FOXN3: variants seen among roughly 807,000 people sequenced by gnomAD.
FOXN3 encodes forkhead box protein N3.
In FOXN3, 7 loss-of-function variants were observed where a neutral mutation model predicts 38.4. The observed-to-expected ratio is 0.18, with a 90% CI of 0.10 to 0.34. The LOEUF is 0.34. FOXN3 is among the 10% of genes least tolerant of loss of function. FOXN3 has a pLI of 1.00. For synonymous variants in FOXN3, 230 were observed against 242.2 expected (o/e 0.95, Z 0.47); for missense variants, 456 against 613.4 (o/e 0.74, Z 2.71).
chr14:89,562,210 T>C (rs1895264192), intron 1 of FOXN3, among the ~76,000 whole-genome samples: 1 of 152,158 alleles, frequency 6.6e-6, no homozygotes, highest in African/African-American at 2.4e-5. Flanking sequence ...TACTTCCAAG[T>C]TGTCGTCTGC....
At chr14:89,215,535 T>A (rs1884248901) in intron 4 of FOXN3, among the ~76,000 whole-genome samples, 1 of 152,206 alleles carries the variant, frequency 6.6e-6, no homozygotes. Flanking sequence ...TGAGGCAAAA[T>A]GCATCCGACC....
Position 89,336,216 on chromosome 14 carries a change from C to CTCCAACCA in FOXN3, c.680+14455_680+14456insTGGTTGGA, listed in dbSNP as rs150227035. The stretch of plus-strand genomic sequence containing the variant: ...CCCTTCCCCATTCTCCTAACGGTGC[C>CTCCAACCA]TCCATCCATCCATCCATCCATCCAT... On this transcript the variant is annotated intron_variant, in intron 3 of 5. Transcript: ENST00000557258. Among the ~76,000 whole-genome samples, 4 of 143,158 alleles carry CTCCAACCA rather than the reference C, an allele frequency of 2.8e-5. No individual in the cohort carries two copies. In the South Asian group the frequency reaches 9.5e-4, roughly 34 times the overall value. 93.9% of individuals were successfully genotyped at this position (143,158 alleles called of 152,430 possible).
At chr14:89,283,986 G>C (rs905813137) in intron 3 of FOXN3, among the ~76,000 whole-genome samples, 4 of 152,024 alleles carry the variant, frequency 2.6e-5, no homozygotes, top group African/African-American at 9.7e-5. Flanking sequence ...TCAGCCTCCT[G>C]GGTAGCTGGG....
intron 3 of FOXN3, among the ~76,000 whole-genome samples, chr14:89,316,144 T>C (rs891848940): frequency 1.3e-5 from 2 of 152,136 alleles, no homozygotes; most frequent in Admixed American, 6.5e-5. Flanking sequence ...CTGTTGCGTA[T>C]TGTGTATTGG....
chr14:89,527,237 C>G (rs1894451902), intron 1 of FOXN3, among the ~76,000 whole-genome samples: 1 of 151,974 alleles, frequency 6.6e-6, no homozygotes, highest in African/African-American at 2.4e-5. Context: ...AAAATGAATT[C>G]AAAATGGACA....
intron 1 of FOXN3, among the ~76,000 whole-genome samples, chr14:89,555,872 T>TGTGTGGGGGG (rs1426537962): frequency 8.2e-6 from 1 of 122,210 alleles, no homozygotes; most frequent in Non-Finnish European, 1.8e-5. Flanking sequence ...TGTGTGTGTG[T>TGTGTGGGGGG]GTGTATGTGG....
At chr14:89,369,200 A>G (rs955413872) in intron 2 of FOXN3, among the ~76,000 whole-genome samples, 1 of 152,182 alleles carries the variant, frequency 6.6e-6, no homozygotes, top group African/African-American at 2.4e-5. Flanking sequence ...CCAGCTTTTG[A>G]TTATCTGTGG....
chr14:89,229,042 C>A (rs1488387760), intron 4 of FOXN3, among the ~76,000 whole-genome samples: 1 of 152,082 alleles, frequency 6.6e-6, no homozygotes, highest in Admixed American at 6.5e-5. Context: ...TTGCACAACA[C>A]CAGGCCTCGT....
Position 89,160,277 on chromosome 14 carries a change from G to T in FOXN3, c.*2137C>A, listed in dbSNP as rs1490279992. 7.1e-6 allele frequency: 1 copy of T among 140,200 alleles called. No homozygotes were observed. The highest frequency in any genetic ancestry group is 1.5e-5 in the Non-Finnish European group (1 of 66,444). 8.7% of individuals were successfully genotyped at this position (140,200 alleles called of 1,614,324 possible). The stretch of plus-strand genomic sequence containing the variant: ...GCAAAGGTAACAACAGGAGTTTCTG[G>T]GCTGCATGACGTTGTCTGGTTTCTA... On this transcript the variant is annotated 3_prime_UTR_variant, in exon 6 of 6. Coordinates refer to ENST00000557258, the MANE Select transcript of FOXN3 (RefSeq NM_005197.4).
At chr14:89,539,050 G>C (rs1350011400) in intron 1 of FOXN3, among the ~76,000 whole-genome samples, 1 of 151,952 alleles carries the variant, frequency 6.6e-6, no homozygotes, top group Non-Finnish European at 1.5e-5. Flanking sequence ...TACCACGTTG[G>C]CCAGGCTGGT....
intron 4 of FOXN3, among the ~76,000 whole-genome samples, chr14:89,199,822 G>A (rs1316799551): frequency 2.0e-5 from 3 of 151,942 alleles, no homozygotes; most frequent in Non-Finnish European, 4.4e-5. Flanking sequence ...GAGAATCACT[G>A]GAATCCAGGA....
chr14:89,550,401 G>A (rs150715550), intron 1 of FOXN3, among the ~76,000 whole-genome samples: 1 of 152,194 alleles, frequency 6.6e-6, no homozygotes, highest in Non-Finnish European at 1.5e-5. Flanking sequence ...ACTTCCAGTA[G>A]CACTGCCAGC....
At chr14:89,463,784 C>CTCTCTT (rs955571584) in intron 1 of FOXN3, among the ~76,000 whole-genome samples, 3 of 138,694 alleles carry the variant, frequency 2.2e-5, no homozygotes, top group African/African-American at 8.1e-5. Flanking sequence ...GTCTCTCTCT[C>CTCTCTT]TTTTTTTTTT....
chr14:89,519,396 G>A (rs147353540), intron 1 of FOXN3, among the ~76,000 whole-genome samples: 2 of 152,192 alleles, frequency 1.3e-5, no homozygotes, highest in African/African-American at 4.8e-5. Context: ...GTGAAAAAGA[G>A]TGTGAGGGCC....
At chr14:89,372,963 C>T (rs1596235181) in intron 2 of FOXN3, among the ~76,000 whole-genome samples, 1 of 152,060 alleles carries the variant, frequency 6.6e-6, no homozygotes, top group East Asian at 1.9e-4. Flanking sequence ...CCCAGGAGTT[C>T]GAGACCAGCC....
chr14:89,499,177 C>T (rs1390488778), intron 1 of FOXN3, among the ~76,000 whole-genome samples: 2 of 152,132 alleles, frequency 1.3e-5, no homozygotes, highest in African/African-American at 4.8e-5. Flanking sequence ...GTCAGGGTAT[C>T]AGCGGGTCTT....
At chr14:89,572,569 C>A (rs1268840718) in intron 1 of FOXN3, among the ~76,000 whole-genome samples, 4 of 152,222 alleles carry the variant, frequency 2.6e-5, no homozygotes, top group African/African-American at 9.6e-5. Context: ...ATAAAAGCCA[C>A]CCTTCATCCT....
rs376995842 is a variant in FOXN3, at chr14:89,438,308, G to C, written c.-14-25818C>G. On this transcript the variant is annotated intron_variant, in intron 1 of 6. Coordinates refer to the FOXN3 transcript ENST00000345097. ...CCTTCAGTAAATAAGATGAGTCATTGTACAAGAACATTTAAATGCCATAAA... is the reference window on the plus strand; with the variant it reads ...CCTTCAGTAAATAAGATGAGTCATTCTACAAGAACATTTAAATGCCATAAA... 4.3e-4 allele frequency among the ~76,000 whole-genome samples: 66 copies of C among 152,338 alleles called. No individual in the cohort carries two copies. The South Asian group carries it at 0.014, about 32-fold the overall frequency.
At position 89,320,524 on chromosome 14, in the gene FOXN3, C is replaced by T. The variant is rs367579168; in HGVS notation, c.680+30148G>A. Among the ~76,000 whole-genome samples, 16 of 152,332 alleles carry T rather than the reference C, an allele frequency of 1.1e-4. No individual in the cohort carries two copies. The East Asian group carries it at 2.7e-3, about 26-fold the overall frequency. On this transcript the variant is annotated intron_variant, in intron 3 of 5. Coordinates refer to ENST00000557258, the MANE Select transcript of FOXN3 (RefSeq NM_005197.4). Reference sequence around the variant, plus strand: ...TGATATCCTTTAAGTTTTCACATAACCTGGTATCCTCTTGCATACCTCGGT... The same window carrying T: ...TGATATCCTTTAAGTTTTCACATAATCTGGTATCCTCTTGCATACCTCGGT...
Sources: gnomAD v4.1 joint callset for allele counts (sites outside exome capture counted in the v4.1 genomes callset) on GRCh38, gnomAD v4.1.1 for gene constraint, MANE v1.5 for transcripts, NCBI Gene and HGNC (gene_info 2026-07-23, HGNC 2026-07-21) for gene names.